Variants in STK25 observed in about 807,000 individuals in gnomAD.
STK25 encodes the protein serine/threonine kinase 25.
STK25 carries 29 observed loss-of-function variants against 53.8 expected under a neutral mutation model. The observed-to-expected ratio is 0.54, with a 90% CI of 0.40 to 0.74. The LOEUF (loss-of-function observed/expected upper bound fraction) is 0.74. Ranked by LOEUF, STK25 falls within the 30% of genes least tolerant of loss-of-function variation. The pLI is 0.00. For missense variants in STK25, 420 were observed against 568.0 expected, an observed-to-expected ratio of 0.74 and a Z score of 2.65; for synonymous variants, 247 against 238.3, an observed-to-expected ratio of 1.04 and a Z score of -0.33.
chr2:241,493,478 C>CTGGA lies in STK25; in HGVS notation c.*2183_*2184insTCCA. 1 of 1,605,238 alleles carries CTGGA rather than the reference C, an allele frequency of 6.2e-7. No homozygotes were observed. Among genetic ancestry groups the CTGGA allele is most frequent in the African/African-American group, 1.3e-5 (1 of 74,868 alleles). On this transcript the variant is annotated 3_prime_UTR_variant, in exon 12 of 12. Coordinates refer to ENST00000316586, the MANE Select transcript of STK25 (RefSeq NM_001271977.2). Reference sequence around the variant, plus strand: ...GCAGGAGGCAGCCCTGGTCAGCTGCCCATTTCGATGTCCGCTCAGCTCCCA... The same window carrying CTGGA: ...GCAGGAGGCAGCCCTGGTCAGCTGCCTGGACATTTCGATGTCCGCTCAGCTCCCA...
intron 4 of STK25, 137 bp from the exon 5 acceptor site, chr2:241,500,418 C>G (rs2065436650): frequency 3.0e-6 from 2 of 656,988 alleles, no homozygotes; most frequent in Admixed American, 5.4e-5. Flanking sequence ...CCAAACAGAA[C>G]TAAGTTTCAG....
Position 241,493,445 on chromosome 2 carries a change from G to GTAAT in STK25, c.*2213_*2216dup, listed in dbSNP as rs1269657415. ...CTGAGAGCAAGTACACATTTGAAAG[G>GTAAT]TAATTTTGCAGGAGGCAGCCCTGGT... On this transcript the variant is annotated 3_prime_UTR_variant, in exon 12 of 12. Transcript: ENST00000316586. 4 of 1,613,692 alleles carry GTAAT rather than the reference G, an allele frequency of 2.5e-6. No individual in the cohort carries two copies. Among genetic ancestry groups the GTAAT allele is most frequent in the Non-Finnish European group, 3.4e-6 (4 of 1,179,922 alleles).
rs777654148 is a variant in STK25 at position 241,493,333 on chromosome 2, G to A, written c.*2329C>T. ...GCCAGCCTCCCGCTGCTGGGCTACA[G>A]CGTGAGCATCCCCAGGGAGGCCGAT... On this transcript the variant is annotated 3_prime_UTR_variant, in exon 12 of 12. Coordinates refer to ENST00000316586, the MANE Select transcript of STK25 (RefSeq NM_001271977.2). 33 of 1,613,918 alleles carry A rather than the reference G, an allele frequency of 2.0e-5. No homozygotes were observed. The highest frequency in any genetic ancestry group is 2.6e-5 in the Non-Finnish European group (31 of 1,180,034).
At chr2:241,499,734 G>C (rs994235047) in intron 5 of STK25, 6 of 489,172 alleles carry the variant, frequency 1.2e-5, no homozygotes, top group East Asian at 7.7e-5. Context: ...TAGCCAACAC[G>C]GGCCTGCCAG....
chr2:241,492,902 G>A lies in STK25; in HGVS notation c.*2760C>T. On this transcript the variant is annotated 3_prime_UTR_variant, in exon 12 of 12. Transcript: ENST00000316586. Reference sequence around the variant, plus strand: ...CAAGGGGTCCTGGGTGCTGGTTAATGCACCTGCATTTTTCCTTTATTGACA... The same window carrying A: ...CAAGGGGTCCTGGGTGCTGGTTAATACACCTGCATTTTTCCTTTATTGACA... 1 of 1,350,268 alleles carries A rather than the reference G, an allele frequency of 7.4e-7. No individual in the cohort carries two copies. The highest frequency in any genetic ancestry group is 1.1e-6 in the Non-Finnish European group (1 of 939,374). 83.6% of individuals were successfully genotyped at this position (1,350,268 alleles called of 1,614,324 possible).
At chr2:241,507,944 C>A (rs28364816) in intron 2 of STK25, 62 bp downstream of exon 2, 2 of 1,493,492 alleles carry the variant, frequency 1.3e-6, no homozygotes, top group East Asian at 2.5e-5. Context: ...TCTGAACCCC[C>A]AGGAGACTCT....
chr2:241,507,988 G>C lies in STK25; in HGVS notation c.30+18C>G, dbSNP rs746027285. On this transcript the variant is annotated intron_variant, in intron 2 of 11. Coordinates refer to ENST00000316586, the MANE Select transcript of STK25 (RefSeq NM_001271977.2). The stretch of plus-strand genomic sequence containing the variant: ...TCGGTGAGAGGCCGCTAGTCTTCCT[G>C]ACCTGCACCCTTCTCACCTGGTTGG... The C allele has an allele frequency of 2.5e-6, 4 of 1,594,334 alleles. No homozygotes were observed. The highest frequency in any genetic ancestry group is 4.6e-5 in the East Asian group (2 of 43,804).
upstream of STK25, among the ~76,000 whole-genome samples, chr2:241,508,991 G>A (rs34273538): frequency 3.5e-4 from 53 of 152,184 alleles, 1 homozygote; most frequent in East Asian, 9.3e-3. Flanking sequence ...AGTGAGGCCC[G>A]GCGCCCTCCC....
Position 241,493,109 on chromosome 2 carries a change from C to T in STK25, c.*2553G>A. ...ACACTTAACCCTGCTCACCTGTGTC[C>T]CTTTTGTATTTTGGTTCTGCCCTCC... On this transcript the variant is annotated 3_prime_UTR_variant, in exon 12 of 12. Transcript: ENST00000316586. 1 of 1,135,176 alleles carries T rather than the reference C, an allele frequency of 8.8e-7. No individual in the cohort carries two copies. The highest frequency in any genetic ancestry group is 1.7e-5 in the Admixed American group (1 of 57,912). 70.3% of individuals were successfully genotyped at this position (1,135,176 alleles called of 1,614,324 possible).
rs746522098 is a variant in STK25, at chr2:241,501,606, C to T, written c.133G>A (p.Val45Met). 1.9e-6 allele frequency: 3 copies of T among 1,614,154 alleles called. No homozygotes were observed. Among genetic ancestry groups the T allele is most frequent in the Non-Finnish European group, 2.5e-6 (3 of 1,180,042 alleles). ...AGGTCGATGATCTTGATGGCCACCACCTCCTTTGTGTGGTTATCGATGCCC... is the reference window on the plus strand; with the variant it reads ...AGGTCGATGATCTTGATGGCCACCATCTCCTTTGTGTGGTTATCGATGCCC... ...YKGIDNHTKE[V>M]VAIKIIDLEE... is the part of the protein sequence containing the mutation. Residue 45 changes from valine to methionine, a missense_variant, in exon 3 of 12, where the codon GTG becomes ATG. Val to Met is a conservative substitution (Grantham distance 21). Coordinates refer to ENST00000316586, the MANE Select transcript of STK25 (RefSeq NM_001271977.2). The surrounding 1 kb of genome is among the most constrained non-coding windows in gnomAD (Gnocchi z 5.3).
chr2:241,500,728 C>T lies in STK25; in HGVS notation c.318+12G>A. The T allele has an allele frequency of 6.2e-7, 1 of 1,613,692 alleles. No homozygotes were observed. Among genetic ancestry groups the T allele is most frequent in the Non-Finnish European group, 8.5e-7 (1 of 1,179,826 alleles). On this transcript the variant is annotated intron_variant, in intron 4 of 11. Transcript: ENST00000316586. ...ACTGCATGACCCCCCACTGCCATGG[C>T]CTATGCCTCACCAAGTCCAGTGCTG...
intron 2 of STK25, among the ~76,000 whole-genome samples, chr2:241,506,150 TG>T (rs1256205531): frequency 1.3e-5 from 2 of 152,290 alleles, no homozygotes; most frequent in Admixed American, 1.3e-4. Flanking sequence ...GCACAGGCTA[TG>T]GGGGGAACGC....
In STK25 at chr2:241,508,049, C is replaced by CA. The variant is rs781119603; in HGVS notation, c.-15dup. The CA allele has an allele frequency of 4.4e-6, 7 of 1,601,250 alleles. No individual in the cohort carries two copies. Among genetic ancestry groups the CA allele is most frequent in the Non-Finnish European group, 6.0e-6 (7 of 1,175,376 alleles). ...GAGGTGAGCCATGGCCGCGCCGCCT[C>CA]AGACCCTCCGCCAGCAGCCCCAGGA... On this transcript the variant is annotated 5_prime_UTR_variant, in exon 2 of 12. Transcript: ENST00000316586.
chr2:241,497,420 G>A (rs949079787), intron 10 of STK25, 196 bp downstream of exon 10: 1 of 586,178 alleles, frequency 1.7e-6, no homozygotes, highest in Non-Finnish European at 3.1e-6. Flanking sequence ...GAGAACCTTG[G>A]CAGGTCTGGG....
chr2:241,505,287 C>T (rs900763431), intron 2 of STK25, among the ~76,000 whole-genome samples: 1 of 152,078 alleles, frequency 6.6e-6, no homozygotes, highest in Non-Finnish European at 1.5e-5. Context: ...GCTGCTCCAC[C>T]GAGCCGTTAG....
chr2:241,506,232 C>A (rs1005414161), intron 2 of STK25, among the ~76,000 whole-genome samples: 1 of 152,230 alleles, frequency 6.6e-6, no homozygotes, highest in Non-Finnish European at 1.5e-5. Context: ...CAGGAGAAAA[C>A]CACAGCCCCT....
intron 2 of STK25, 60 bp downstream of exon 2, chr2:241,507,946 G>A (rs2065944799): frequency 6.7e-7 from 1 of 1,498,266 alleles, no homozygotes; most frequent in African/African-American, 1.4e-5. Flanking sequence ...TGAACCCCCA[G>A]GAGACTCTGG....
At chr2:241,509,375 C>G (rs899101675), upstream of STK25, 1 of 152,352 alleles carries the variant, frequency 6.6e-6, no homozygotes. Flanking sequence ...CCAAGGCTAC[C>G]TGGTGCGTCC....
chr2:241,499,035 G>A lies in STK25; in HGVS notation c.725C>T (p.Pro242Leu), dbSNP rs779971431. Residue 242 changes from proline (P) to leucine (L), a missense_variant, in exon 7 of 12, where the codon CCC (proline) becomes CTC (leucine). Pro to Leu is a moderately conservative substitution (Grantham distance 98). Transcript: ENST00000316586. ...PPTLEGQHSK[P>L]FKEFVEACLN... ...GCAGGCCTCCACGAACTCCTTGAAG[G>A]GCTTGCTGTGCTGGCCCTCCAGTGT... The A allele has an allele frequency of 6.2e-6, 10 of 1,613,986 alleles. No individual in the cohort carries two copies. The Admixed American group carries it at 1.7e-4, about 27-fold the overall frequency.
Sources: allele counts gnomAD v4.1 joint callset (sites outside exome capture counted in the v4.1 genomes callset), GRCh38; gene constraint gnomAD v4.1.1; non-coding constraint Gnocchi (gnomAD v3.1); transcripts MANE v1.5; gene names NCBI Gene and HGNC (gene_info 2026-07-23, HGNC 2026-07-21).